The following SLC25A48 variants were observed in gnomAD, a reference collection of about 807,000 sequenced individuals.
SLC25A48 encodes the protein CTC-321K16.1.
A neutral mutation model predicts 32.2 loss-of-function variants in SLC25A48; 29 were observed. That is an observed-to-expected ratio of 0.90 (90% CI 0.67 to 1.23). The LOEUF (loss-of-function observed/expected upper bound fraction) is 1.23. Among genes scored for constraint, SLC25A48 ranks in the 50% most tolerant of loss-of-function variants. The pLI is 0.00. For missense variants in SLC25A48, 399 were observed against 422.7 expected (o/e 0.94, Z 0.49); for synonymous variants, 164 against 172.3 (o/e 0.95, Z 0.38).
At chr5:135,770,145 C>T (rs573116387) in intron 3 of SLC25A48, among the ~76,000 whole-genome samples, 1 of 151,298 alleles carries the variant, frequency 6.6e-6, no homozygotes, top group Admixed American at 6.6e-5. Context: ...CACCCTGTAA[C>T]ATTTTCCTAA....
chr5:135,644,265 C>A (rs1244909133), intron 3 of SLC25A48, among the ~76,000 whole-genome samples: 7 of 151,900 alleles, frequency 4.6e-5, no homozygotes, highest in Non-Finnish European at 1.5e-5. Flanking sequence ...ACTGAGAAGC[C>A]TAATATGGTG....
chr5:135,819,095 A>T (rs957597675), intron 4 of SLC25A48, among the ~76,000 whole-genome samples: 1 of 146,856 alleles, frequency 6.8e-6, no homozygotes, highest in Non-Finnish European at 1.5e-5. Flanking sequence ...GAAAAACATT[A>T]AAAAAAAAAA....
intron 1 of SLC25A48, among the ~76,000 whole-genome samples, chr5:135,613,204 G>T (rs1752112463): frequency 1.3e-5 from 2 of 152,026 alleles, no homozygotes; most frequent in Admixed American, 6.6e-5. Context: ...TATACCTGTT[G>T]TCTATTTGTA....
intron 3 of SLC25A48, among the ~76,000 whole-genome samples, chr5:135,637,589 C>T (rs703249): frequency 0.28 from 42,345 of 152,080 alleles, 6,416 homozygotes; most frequent in East Asian, 0.62. Flanking sequence ...TTTAACCCAG[C>T]AGGTCTTCTT....
At chr5:135,621,709 T>C (rs2126899181) in intron 1 of SLC25A48, among the ~76,000 whole-genome samples, 1 of 152,178 alleles carries the variant, frequency 6.6e-6, no homozygotes, top group East Asian at 1.9e-4. Context: ...AAAAATTAGG[T>C]TCTTTCACTA....
At chr5:135,802,512 C>A (rs1189094296) in intron 3 of SLC25A48, among the ~76,000 whole-genome samples, 1 of 151,074 alleles carries the variant, frequency 6.6e-6, no homozygotes, top group African/African-American at 2.4e-5. Context: ...TTTCTAGTAT[C>A]CTTGGAAGAT....
intron 3 of SLC25A48, among the ~76,000 whole-genome samples, chr5:135,761,315 G>C (rs2127017790): frequency 6.6e-6 from 1 of 152,146 alleles, no homozygotes; most frequent in East Asian, 1.9e-4. Flanking sequence ...CCAACCGCAT[G>C]GGGGAGGGAT....
At chr5:135,614,460 G>T (rs188208238) in intron 1 of SLC25A48, among the ~76,000 whole-genome samples, 1 of 152,190 alleles carries the variant, frequency 6.6e-6, no homozygotes, top group Non-Finnish European at 1.5e-5. Flanking sequence ...TGTTGAATAC[G>T]AGTGGCAAAA....
intron 3 of SLC25A48, among the ~76,000 whole-genome samples, chr5:135,656,683 G>C (rs1212657936): frequency 6.6e-6 from 1 of 152,130 alleles, no homozygotes; most frequent in African/African-American, 2.4e-5. Context: ...CTGGAGTATG[G>C]CAGGCCCTCA....
At chr5:135,845,978 C>T (rs534445844) in intron 2 of SLC25A48, among the ~76,000 whole-genome samples, 1 of 152,290 alleles carries the variant, frequency 6.6e-6, no homozygotes, top group African/African-American at 2.4e-5. Context: ...TCCCCAACTC[C>T]TATACCGTAC....
chr5:135,805,164 T>A (rs1187093471), intron 3 of SLC25A48, among the ~76,000 whole-genome samples: 72 of 151,126 alleles, frequency 4.8e-4, no homozygotes, highest in African/African-American at 1.7e-3. Context: ...GTGTGCACCC[T>A]GGGATATTCT....
intron 2 of SLC25A48, among the ~76,000 whole-genome samples, chr5:135,848,993 G>T (rs1277223876): frequency 6.6e-6 from 1 of 152,170 alleles, no homozygotes; most frequent in Non-Finnish European, 1.5e-5. Context: ...TGTTGTTGTT[G>T]TTTTTGAGAG....
intron 3 of SLC25A48, among the ~76,000 whole-genome samples, chr5:135,766,494 G>C (rs184562388): frequency 6.6e-5 from 10 of 151,430 alleles, no homozygotes; most frequent in Non-Finnish European, 1.5e-5. Flanking sequence ...TAATATCCAG[G>C]GGGGAGAGGG....
At chr5:135,732,188 C>T (rs1265292027) in intron 3 of SLC25A48, among the ~76,000 whole-genome samples, 24 of 152,188 alleles carry the variant, frequency 1.6e-4, no homozygotes, top group Admixed American at 1.3e-4. Context: ...ACCATTAGTC[C>T]ATTCTACCTT....
chr5:135,663,051 C>G (rs1374362570), intron 3 of SLC25A48, among the ~76,000 whole-genome samples: 1 of 152,178 alleles, frequency 6.6e-6, no homozygotes, highest in Non-Finnish European at 1.5e-5. Flanking sequence ...GTGAATTAGT[C>G]AGTCACTCAA....
rs1380963385 is a variant in SLC25A48, at chr5:135,886,665, TGTGTGTGTGAGA to T, written c.*8-1365_*8-1354del. 4.3e-4 allele frequency among the ~76,000 whole-genome samples: 44 copies of T among 102,514 alleles called. 1 individual carries two copies. The highest frequency in any genetic ancestry group is 6.6e-4 in the Non-Finnish European group (35 of 53,292). The allele number at this position is 102,514 out of a possible 152,430, so 67.3% of individuals were successfully genotyped here. Reference sequence around the variant, plus strand: ...ATATATATATGTGTGTGTGTGTGTGTGTGTGTGTGAGAGAGAGAGAGAGAGAGAGAGAGAGAG... The same window carrying T: ...ATATATATATGTGTGTGTGTGTGTGTGAGAGAGAGAGAGAGAGAGAGAGAG... On this transcript the variant is annotated intron_variant, in intron 7 of 7. Transcript: ENST00000681962.
chr5:135,656,092 A>G (rs973937793), intron 3 of SLC25A48, among the ~76,000 whole-genome samples: 1 of 152,198 alleles, frequency 6.6e-6, no homozygotes, highest in Non-Finnish European at 1.5e-5. Flanking sequence ...TATGTTTAGA[A>G]TAGCTATAAA....
intron 3 of SLC25A48, among the ~76,000 whole-genome samples, chr5:135,777,785 G>T (rs71587591): frequency 9.6e-4 from 10 of 10,446 alleles, no homozygotes; most frequent in African/African-American, 1.2e-3. Context: ...CCTAATATCC[G>T]GGGGGGGGGG....
At chr5:135,887,452 ATG>A (rs372688192) in intron 7 of SLC25A48, among the ~76,000 whole-genome samples, 49 of 149,508 alleles carry the variant, frequency 3.3e-4, no homozygotes, top group Admixed American at 4.0e-4. Context: ...AAAAATACAT[ATG>A]TGTGTGTGTG....
Sources: allele counts gnomAD v4.1 joint callset (sites outside exome capture counted in the v4.1 genomes callset), GRCh38; gene constraint gnomAD v4.1.1; transcripts MANE v1.5; gene names NCBI Gene and HGNC (gene_info 2026-07-23, HGNC 2026-07-21).